Variants in SKIC2 observed in about 807,000 individuals in gnomAD.
SKIC2 encodes the protein SKI2 subunit of superkiller complex, also known as superkiller complex protein 2.
At chr6:31,968,525 G>C in the SKIC2 span, 1 of 1,612,424 alleles carries the variant, frequency 6.2e-7, no homozygotes, top group Non-Finnish European at 8.5e-7. This position sits in a 1 kb window ranked among gnomAD's most constrained non-coding sequence, Gnocchi z 6.1. Context: ...CACAGCCCCC[G>C]TTTTCCTGCC....
At chr6:31,968,238 G>A in the SKIC2 span, 4 of 1,432,452 alleles carry the variant, frequency 2.8e-6, no homozygotes, top group East Asian at 6.8e-5. This position sits in a 1 kb window ranked among gnomAD's most constrained non-coding sequence, Gnocchi z 6.1. Flanking sequence ...GTGAAGTGGA[G>A]GTTGTAGTAA....
the SKIC2 span, chr6:31,961,625 A>G: frequency 6.2e-7 from 1 of 1,612,720 alleles, no homozygotes; most frequent in Non-Finnish European, 8.5e-7. Context: ...TGTGGACGCC[A>G]CCTCCCCTGT....
the SKIC2 span, chr6:31,960,296 CA>C: frequency 6.2e-7 from 1 of 1,613,446 alleles, no homozygotes; most frequent in African/African-American, 1.3e-5. Context: ...CCTACAGGCC[CA>C]AAGACACCCA....
the SKIC2 span, chr6:31,963,177 G>GGCTC: frequency 9.7e-7 from 1 of 1,035,262 alleles, no homozygotes; most frequent in East Asian, 2.4e-5. The surrounding 1 kb of genome is among the most constrained non-coding windows in gnomAD (Gnocchi z 5.3). Context: ...CCACAGCAAG[G>GGCTC]AGAGCGGTCA....
chr6:31,963,400 C>T, the SKIC2 span: 1 of 1,538,426 alleles, frequency 6.5e-7, no homozygotes, highest in Non-Finnish European at 8.8e-7. This position sits in a 1 kb window ranked among gnomAD's most constrained non-coding sequence, Gnocchi z 5.3. Flanking sequence ...CTGCTTCCCT[C>T]TCCTTTCTTC....
chr6:31,961,377 A>G, the SKIC2 span: 4 of 1,553,552 alleles, frequency 2.6e-6, no homozygotes, highest in Non-Finnish European at 3.5e-6. Flanking sequence ...TGGAAGACCT[A>G]GTGTTGAAGG....
At chr6:31,969,702 T>C in the SKIC2 span, 1 of 1,596,192 alleles carries the variant, frequency 6.3e-7, no homozygotes, top group South Asian at 1.1e-5. This position sits in a 1 kb window ranked among gnomAD's most constrained non-coding sequence, Gnocchi z 6.1. Flanking sequence ...GCGGCCAGCC[T>C]CTACACCCAG....
chr6:31,960,409 G>A, the SKIC2 span: 2 of 1,601,662 alleles, frequency 1.2e-6, no homozygotes, highest in East Asian at 4.5e-5. Context: ...CAGCCTCATT[G>A]GGGCTCTGAT....
At chr6:31,962,190 GA>G in the SKIC2 span, 1 of 968,982 alleles carries the variant, frequency 1.0e-6, no homozygotes, top group African/African-American at 1.6e-5. The surrounding 1 kb of genome is among the most constrained non-coding windows in gnomAD (Gnocchi z 5.0). Flanking sequence ...ACTGAGACAA[GA>G]GCCCAGAGAG....
the SKIC2 span, chr6:31,965,910 T>C: frequency 1.9e-6 from 3 of 1,613,068 alleles, no homozygotes; most frequent in Admixed American, 5.0e-5. This position sits in a 1 kb window ranked among gnomAD's most constrained non-coding sequence, Gnocchi z 5.6. Context: ...TATGTGCAGA[T>C]GGCAGGCCGG....
At chr6:31,959,784 A>G in the SKIC2 span, 1 of 577,186 alleles carries the variant, frequency 1.7e-6, no homozygotes, top group Non-Finnish European at 3.1e-6. Context: ...ATGATTAGCC[A>G]GGGAGCTTTT....
At chr6:31,963,515 G>A in the SKIC2 span, 2 of 1,605,718 alleles carry the variant, frequency 1.2e-6, no homozygotes, top group Non-Finnish European at 1.7e-6. This position sits in a 1 kb window ranked among gnomAD's most constrained non-coding sequence, Gnocchi z 5.3. Flanking sequence ...CCCAGGGGGA[G>A]CTCTTTTTGT....
the SKIC2 span, chr6:31,968,719 AAGG>A: frequency 6.2e-7 from 1 of 1,612,866 alleles, no homozygotes. The surrounding 1 kb of genome is among the most constrained non-coding windows in gnomAD (Gnocchi z 6.1). Context: ...GCAGATACAG[AAGG>A]AGATGGAGCG....
chr6:31,968,362 G>A, the SKIC2 span: 3 of 1,613,022 alleles, frequency 1.9e-6, no homozygotes, highest in Middle Eastern at 1.6e-4. The surrounding 1 kb of genome is among the most constrained non-coding windows in gnomAD (Gnocchi z 6.1). Context: ...GACCACTGCT[G>A]TCCAGGAACT....
the SKIC2 span, chr6:31,960,441 G>A: frequency 6.2e-7 from 1 of 1,613,890 alleles, no homozygotes; most frequent in Non-Finnish European, 8.5e-7. Context: ...GGTCTTGCTG[G>A]AGAACACAAA....
chr6:31,959,845 C>A, the SKIC2 span: 3 of 607,214 alleles, frequency 4.9e-6, no homozygotes. Context: ...AATCCAAAAT[C>A]TGCCCCAGGT....
the SKIC2 span, chr6:31,967,005 C>T: frequency 3.1e-6 from 5 of 1,612,876 alleles, no homozygotes; most frequent in African/African-American, 6.7e-5. The surrounding 1 kb of genome is among the most constrained non-coding windows in gnomAD (Gnocchi z 4.9). Context: ...CCACCCAAGG[C>T]CCATGAACAG....
the SKIC2 span, chr6:31,968,415 C>G: frequency 1.2e-6 from 2 of 1,612,986 alleles, no homozygotes; most frequent in Non-Finnish European, 8.5e-7. This position sits in a 1 kb window ranked among gnomAD's most constrained non-coding sequence, Gnocchi z 6.1. Flanking sequence ...CTCCCACCCT[C>G]GACCCTGTCA....
the SKIC2 span, chr6:31,960,999 C>T: frequency 3.6e-6 from 5 of 1,385,056 alleles, no homozygotes; most frequent in East Asian, 2.3e-5. Context: ...ACAATTTGTT[C>T]ACCAGTGTGC....
Sources: gnomAD v4.1 joint callset for allele counts on GRCh38, gnomAD v4.1.1 for gene constraint, Gnocchi (gnomAD v3.1) non-coding constraint, MANE v1.5 for transcripts, NCBI Gene and HGNC (gene_info 2026-07-23, HGNC 2026-07-21) for gene names.